KLHL32: variants seen among roughly 807,000 people sequenced by gnomAD.
KLHL32 encodes kelch like family member 32.
Under a neutral mutation model 64.8 loss-of-function variants are expected in KLHL32, and 35 were observed. That is an observed-to-expected ratio of 0.54 (90% CI 0.41 to 0.72). KLHL32 has a LOEUF of 0.72. Among genes scored for constraint, KLHL32 ranks in the 30% least tolerant of loss-of-function variants. The pLI is 0.00. For synonymous variants in KLHL32, 259 were observed against 281.0 expected (o/e 0.92, Z 0.78); for missense variants, 589 against 768.5 (o/e 0.77, Z 2.76).
chr6:96,918,007 T>C, the KLHL32 span, among the ~76,000 whole-genome samples: 1 of 152,216 alleles, frequency 6.6e-6, no homozygotes, highest in African/African-American at 2.4e-5. Flanking sequence ...AATAGCATTC[T>C]TATTTTCTAG....
At chr6:97,100,966 CTTTTTT>C (rs58422496) in intron 6 of KLHL32, among the ~76,000 whole-genome samples, 12 of 69,474 alleles carry the variant, frequency 1.7e-4, no homozygotes, top group Admixed American at 3.4e-4. Flanking sequence ...TGCAGCCAAG[CTTTTTT>C]TTTTTTTTTT....
At chr6:96,949,846 T>G (rs1772357354) in intron 1 of KLHL32, among the ~76,000 whole-genome samples, 2 of 152,144 alleles carry the variant, frequency 1.3e-5, no homozygotes, top group African/African-American at 2.4e-5. Flanking sequence ...GTAAATGGTT[T>G]GCCACTAATA....
intron 1 of KLHL32, among the ~76,000 whole-genome samples, chr6:96,929,047 A>G (rs1410333871): frequency 6.6e-6 from 1 of 152,230 alleles, no homozygotes; most frequent in Non-Finnish European, 1.5e-5. Context: ...CAGTAGAGAT[A>G]TGAAAGAAAT....
intron 1 of KLHL32, among the ~76,000 whole-genome samples, chr6:96,937,859 C>G (rs952122982): frequency 3.9e-5 from 6 of 152,148 alleles, no homozygotes; most frequent in Admixed American, 1.3e-4. Flanking sequence ...TCATGTCACT[C>G]TTCTTTCTAA....
chr6:97,076,829 TA>T (rs1416380174), intron 5 of KLHL32, among the ~76,000 whole-genome samples: 1 of 151,980 alleles, frequency 6.6e-6, no homozygotes, highest in East Asian at 1.9e-4. Flanking sequence ...TACCTTTATT[TA>T]AATATTAAAT....
At chr6:97,054,615 G>A (rs1022243921) in intron 4 of KLHL32, among the ~76,000 whole-genome samples, 4 of 152,220 alleles carry the variant, frequency 2.6e-5, no homozygotes, top group Non-Finnish European at 5.9e-5. Context: ...TAATTGAGTT[G>A]TAGTTCTTTG....
At chr6:97,032,451 T>A (rs1203712671) in intron 3 of KLHL32, among the ~76,000 whole-genome samples, 35 of 152,218 alleles carry the variant, frequency 2.3e-4, no homozygotes, top group Admixed American at 2.3e-3. Flanking sequence ...TGAGGATCCC[T>A]ATTCTATGCC....
chr6:96,942,168 T>G (rs1173513813), intron 1 of KLHL32, among the ~76,000 whole-genome samples: 16 of 152,210 alleles, frequency 1.1e-4, no homozygotes, highest in Admixed American at 1.0e-3. Flanking sequence ...ACAGTCACTG[T>G]TTGTTAGCTT....
chr6:97,054,893 C>T (rs1022741282), intron 4 of KLHL32, among the ~76,000 whole-genome samples: 50 of 152,142 alleles, frequency 3.3e-4, no homozygotes, highest in Middle Eastern at 6.8e-3. Flanking sequence ...GGGCTGATAT[C>T]GTGCCACTGC....
the KLHL32 span, among the ~76,000 whole-genome samples, chr6:96,919,215 C>G: frequency 6.6e-6 from 1 of 152,178 alleles, no homozygotes; most frequent in Non-Finnish European, 1.5e-5. Flanking sequence ...AGTATCCTTC[C>G]AATTAAGTAT....
upstream of KLHL32, among the ~76,000 whole-genome samples, chr6:96,924,003 C>T (rs773838066): frequency 2.6e-5 from 4 of 152,166 alleles, no homozygotes; most frequent in Non-Finnish European, 5.9e-5. Flanking sequence ...TGTCTGTTTG[C>T]GGTTTTATTG....
chr6:97,129,066 TGGAA>T (rs945259149), intron 8 of KLHL32, among the ~76,000 whole-genome samples: 41 of 152,358 alleles, frequency 2.7e-4, no homozygotes, highest in African/African-American at 9.6e-4. Flanking sequence ...GACATTTGAT[TGGAA>T]GGAAATTCTT....
intron 1 of KLHL32, among the ~76,000 whole-genome samples, chr6:96,957,462 C>A (rs972259688): frequency 6.6e-6 from 1 of 151,850 alleles, no homozygotes; most frequent in East Asian, 1.9e-4. Context: ...TCTGTACTAG[C>A]AAAACACTCA....
chr6:97,047,636 C>A (rs954353101), intron 4 of KLHL32, among the ~76,000 whole-genome samples: 5 of 152,140 alleles, frequency 3.3e-5, no homozygotes, highest in Admixed American at 2.0e-4. Context: ...TTTCATGTTT[C>A]AGACCAGTCC....
intron 2 of KLHL32, among the ~76,000 whole-genome samples, chr6:96,969,844 C>G (rs1425588077): frequency 6.6e-6 from 1 of 152,172 alleles, no homozygotes; most frequent in Non-Finnish European, 1.5e-5. Context: ...AGTTCCAGAT[C>G]CAGGAATCAA....
intron 3 of KLHL32, among the ~76,000 whole-genome samples, chr6:97,007,969 C>G (rs1278628659): frequency 6.6e-6 from 1 of 152,208 alleles, no homozygotes; most frequent in African/African-American, 2.4e-5. Context: ...TTGCACATGC[C>G]AGCGATTGCA....
rs552061265 is a variant in KLHL32 at position 97,065,154 on chromosome 6, G to T, written c.411+428G>T. On this transcript the variant is annotated intron_variant, in intron 5 of 10. Transcript: ENST00000369261. ...TATCTAGTAAATCACAAAGTCCTAT[G>T]TAATTAATTACCATGTGAACTTCCC... Among the ~76,000 whole-genome samples the T allele has an allele frequency of 6.2e-4, 95 of 152,284 alleles. 1 individual carries two copies. The highest frequency in any genetic ancestry group is 2.3e-3 in the African/African-American group (94 of 41,552).
the KLHL32 span, among the ~76,000 whole-genome samples, chr6:96,906,614 T>A: frequency 6.6e-6 from 1 of 152,188 alleles, no homozygotes; most frequent in African/African-American, 2.4e-5. Flanking sequence ...AGTTTTTTGG[T>A]CCAATTTTCT....
chr6:96,921,486 G>A (rs1269970163), upstream of KLHL32, among the ~76,000 whole-genome samples: 1 of 152,176 alleles, frequency 6.6e-6, no homozygotes, highest in Non-Finnish European at 1.5e-5. Flanking sequence ...TTATCCACTT[G>A]AAAACTAGAG....
Sources: gnomAD v4.1 joint callset for allele counts (sites outside exome capture counted in the v4.1 genomes callset) on GRCh38, gnomAD v4.1.1 for gene constraint, MANE v1.5 for transcripts, NCBI Gene and HGNC (gene_info 2026-07-23, HGNC 2026-07-21) for gene names.